CDH12: variants seen among roughly 807,000 people sequenced by gnomAD.
CDH12 encodes cadherin-12.
In CDH12, 41 loss-of-function variants were observed where a neutral mutation model predicts 74.1. That is an observed-to-expected ratio of 0.55 (90% CI 0.43 to 0.72). The LOEUF is 0.72. Among genes scored for constraint, CDH12 ranks in the 30% least tolerant of loss-of-function variants. The pLI, the probability that CDH12 is intolerant of heterozygous loss-of-function variation, is 0.00. For missense variants in CDH12, 945 were observed against 977.2 expected (o/e 0.97, Z 0.44); for synonymous variants, 399 against 355.0 (o/e 1.12, Z -1.39).
At chr5:22,431,252 C>T (rs935242716) in intron 2 of CDH12, among the ~76,000 whole-genome samples, 2 of 152,136 alleles carry the variant, frequency 1.3e-5, no homozygotes, top group African/African-American at 4.8e-5. Flanking sequence ...CCCATACTAA[C>T]ATTTTAGTCA....
intron 1 of CDH12, among the ~76,000 whole-genome samples, chr5:22,747,024 C>T (rs1745326407): frequency 6.6e-6 from 1 of 152,080 alleles, no homozygotes; most frequent in African/African-American, 2.4e-5. Flanking sequence ...TGAATTTCTC[C>T]TCTGTCTTCC....
Position 22,088,808 on chromosome 5 carries a change from T to C in CDH12, c.-186-9946A>G, listed in dbSNP as rs116675289. 5.7e-3 allele frequency among the ~76,000 whole-genome samples: 874 copies of C among 152,190 alleles called. 8 individuals carry two copies. The highest frequency in any genetic ancestry group is 0.02 in the African/African-American group (836 of 41,506). ...ATGGGACCAAGATCAACTCTGGAAA[T>C]TGGTAAGGTAATTTATACACAGTAA... On this transcript the variant is annotated intron_variant, in intron 4 of 14. Coordinates refer to ENST00000382254, the MANE Select transcript of CDH12 (RefSeq NM_004061.5).
chr5:21,990,151 G>C (rs932827093), intron 5 of CDH12, among the ~76,000 whole-genome samples: 4 of 152,094 alleles, frequency 2.6e-5, no homozygotes, highest in Admixed American at 2.6e-4. Context: ...ACCATATTTA[G>C]TGATTTCTGT....
rs1741147628 is a variant in CDH12 at position 22,368,858 on chromosome 5, T to C, written c.-333+36399A>G. 3.3e-5 allele frequency among the ~76,000 whole-genome samples: 5 copies of C among 152,196 alleles called. No individual in the cohort carries two copies. The South Asian group carries it at 1.0e-3, about 32-fold the overall frequency. On this transcript the variant is annotated intron_variant, in intron 3 of 14. Coordinates refer to ENST00000382254, the MANE Select transcript of CDH12 (RefSeq NM_004061.5). ...TTCCTTTTTAAAAACATCTTTCGGG[T>C]CAGGCGTGGTGGCTCACGCCTGCAC...
At chr5:21,901,272 A>G (rs1753373118) in intron 6 of CDH12, among the ~76,000 whole-genome samples, 1 of 152,182 alleles carries the variant, frequency 6.6e-6, no homozygotes, top group Non-Finnish European at 1.5e-5. Flanking sequence ...TCATATTATT[A>G]TAGTCTAATT....
chr5:22,389,463 T>C (rs767063936), intron 3 of CDH12, among the ~76,000 whole-genome samples: 13 of 152,130 alleles, frequency 8.5e-5, no homozygotes, highest in African/African-American at 4.8e-5. Flanking sequence ...ACTAAAGATG[T>C]AACTTTGGCT....
At chr5:21,900,936 A>G (rs1410994897) in intron 6 of CDH12, among the ~76,000 whole-genome samples, 1 of 152,234 alleles carries the variant, frequency 6.6e-6, no homozygotes, top group Admixed American at 6.5e-5. Flanking sequence ...CACACTGCAA[A>G]CAAAAGTCCA....
intron 5 of CDH12, among the ~76,000 whole-genome samples, chr5:22,061,214 A>T (rs947964012): frequency 6.6e-6 from 1 of 152,200 alleles, no homozygotes; most frequent in African/African-American, 2.4e-5. Context: ...GAAATTCCAC[A>T]GGTAGAAATA....
intron 8 of CDH12, among the ~76,000 whole-genome samples, chr5:21,831,329 C>T (rs1027852666): frequency 1.3e-5 from 2 of 152,162 alleles, no homozygotes; most frequent in Non-Finnish European, 2.9e-5. Flanking sequence ...CCCCATCTCT[C>T]ACTATCTCTT....
chr5:22,267,059 T>C (rs1736152172), intron 3 of CDH12, among the ~76,000 whole-genome samples: 1 of 152,196 alleles, frequency 6.6e-6, no homozygotes, highest in South Asian at 2.1e-4. Flanking sequence ...GAGGCATTTA[T>C]ACTTTGGAAA....
intron 6 of CDH12, among the ~76,000 whole-genome samples, chr5:21,941,760 C>A (rs1755339252): frequency 6.6e-6 from 1 of 152,062 alleles, no homozygotes; most frequent in Non-Finnish European, 1.5e-5. Flanking sequence ...ACTCAGAATA[C>A]AATATGTACC....
At chr5:22,190,395 T>TCTAG (rs1215491418) in intron 4 of CDH12, among the ~76,000 whole-genome samples, 1 of 148,816 alleles carries the variant, frequency 6.7e-6, no homozygotes, top group East Asian at 1.9e-4. Flanking sequence ...TATCTATCTA[T>TCTAG]CTATCTATCC....
chr5:21,820,408 T>C (rs1748302530), intron 8 of CDH12, among the ~76,000 whole-genome samples: 1 of 152,022 alleles, frequency 6.6e-6, no homozygotes, highest in African/African-American at 2.4e-5. Flanking sequence ...ATTGATTTAC[T>C]AGCATTCCAC....
At chr5:22,231,489 C>A (rs1752382715) in intron 3 of CDH12, among the ~76,000 whole-genome samples, 1 of 151,736 alleles carries the variant, frequency 6.6e-6, no homozygotes. Context: ...ATATATGGTA[C>A]CATTAAAGTA....
intron 3 of CDH12, among the ~76,000 whole-genome samples, chr5:22,334,381 C>G (rs377258702): frequency 4.0e-5 from 6 of 151,884 alleles, no homozygotes; most frequent in East Asian, 3.9e-4. Flanking sequence ...AAATGAAATT[C>G]CATGTTCATG....
chr5:21,880,482 C>T (rs1256338924), intron 6 of CDH12, among the ~76,000 whole-genome samples: 3 of 31,698 alleles, frequency 9.5e-5, no homozygotes, highest in Non-Finnish European at 4.2e-4. Context: ...TTCCTTCCTT[C>T]CTTCCTTCCT....
chr5:22,499,440 T>C (rs545045963), intron 2 of CDH12, among the ~76,000 whole-genome samples: 1 of 152,276 alleles, frequency 6.6e-6, no homozygotes, highest in East Asian at 1.9e-4. Flanking sequence ...GTATCTACCT[T>C]CTCTAGAATG....
At chr5:21,790,646 T>C (rs929172839) in intron 10 of CDH12, among the ~76,000 whole-genome samples, 38 of 152,188 alleles carry the variant, frequency 2.5e-4, no homozygotes, top group Middle Eastern at 3.4e-3. Flanking sequence ...ACCATGAGTG[T>C]TGTTATAAAA....
In CDH12 at chr5:22,368,171, C is replaced by T. The variant is rs116495414; in HGVS notation, c.-333+37086G>A. ...AGCAGTTATTATTTAAACATTTGAG[C>T]CGAAACTTCATATATTTAAATTTAA... On this transcript the variant is annotated intron_variant, in intron 3 of 14. Transcript: ENST00000382254. 8.7e-3 allele frequency among the ~76,000 whole-genome samples: 1,313 copies of T among 151,746 alleles called. 18 individuals carry two copies. Among genetic ancestry groups the T allele is most frequent in the African/African-American group, 0.03 (1,251 of 41,396 alleles).
Sources: allele counts gnomAD v4.1 joint callset (sites outside exome capture counted in the v4.1 genomes callset), GRCh38; gene constraint gnomAD v4.1.1; transcripts MANE v1.5; gene names NCBI Gene and HGNC (gene_info 2026-07-23, HGNC 2026-07-21).